Variants in TMEM178B observed in about 807,000 individuals in gnomAD.
TMEM178B encodes the protein transmembrane protein 178B.
A neutral mutation model predicts 31.0 loss-of-function variants in TMEM178B; 5 were observed. The observed-to-expected ratio is 0.16, with a 90% CI of 0.08 to 0.34. TMEM178B has a LOEUF of 0.34. Ranked by LOEUF, TMEM178B falls within the 10% of genes least tolerant of loss-of-function variation. The pLI is 1.00. For missense variants in TMEM178B, 275 were observed against 400.3 expected (o/e 0.69, Z 2.67); for synonymous variants, 164 against 164.0 (o/e 1.00, Z 0.00).
intron 2 of TMEM178B, among the ~76,000 whole-genome samples, chr7:141,330,900 G>C (rs924872872): frequency 6.6e-6 from 1 of 152,216 alleles, no homozygotes; most frequent in African/African-American, 2.4e-5. Flanking sequence ...GAGGTCATGA[G>C]AGGTAGTCAA....
chr7:141,402,964 C>G (rs904437828), intron 2 of TMEM178B, among the ~76,000 whole-genome samples: 1 of 152,236 alleles, frequency 6.6e-6, no homozygotes, highest in Non-Finnish European at 1.5e-5. Context: ...TGCTATTTTC[C>G]GTAATCCTAT....
intron 2 of TMEM178B, among the ~76,000 whole-genome samples, chr7:141,328,741 A>G (rs1799242636): frequency 1.3e-5 from 2 of 152,216 alleles, no homozygotes; most frequent in Admixed American, 1.3e-4. Flanking sequence ...TACCATTCCC[A>G]GGTTAAATGA....
chr7:141,198,266 C>G (rs1001092217), intron 1 of TMEM178B, among the ~76,000 whole-genome samples: 9 of 152,156 alleles, frequency 5.9e-5, no homozygotes, highest in Admixed American at 2.6e-4. Flanking sequence ...CCTTGGCCTT[C>G]TGGAGGTGCA....
intron 2 of TMEM178B, among the ~76,000 whole-genome samples, chr7:141,424,099 T>A (rs1021976774): frequency 2.0e-4 from 30 of 152,088 alleles, no homozygotes; most frequent in African/African-American, 7.0e-4. Flanking sequence ...ATTACAGGTG[T>A]GAGCCACCAC....
intron 2 of TMEM178B, among the ~76,000 whole-genome samples, chr7:141,370,071 A>G (rs1314210433): frequency 1.3e-5 from 2 of 152,160 alleles, no homozygotes; most frequent in African/African-American, 2.4e-5. Flanking sequence ...GGCCTGCCCC[A>G]GGTAGGAGGG....
intron 1 of TMEM178B, among the ~76,000 whole-genome samples, chr7:141,119,437 G>A (rs1293276987): frequency 6.6e-6 from 1 of 152,062 alleles, no homozygotes; most frequent in Non-Finnish European, 1.5e-5. Context: ...ACACTGATGT[G>A]GGCTACTGCC....
intron 2 of TMEM178B, among the ~76,000 whole-genome samples, chr7:141,225,225 G>A (rs1797322179): frequency 2.0e-5 from 3 of 152,064 alleles, no homozygotes; most frequent in Admixed American, 6.5e-5. Context: ...TATCTCGTGC[G>A]GCAGGCCTAC....
chr7:141,157,332 C>T (rs1474317501), intron 1 of TMEM178B, among the ~76,000 whole-genome samples: 1 of 152,098 alleles, frequency 6.6e-6, no homozygotes, highest in Non-Finnish European at 1.5e-5. Flanking sequence ...ATGCTGGAGT[C>T]CTAGGAGAGG....
intron 3 of TMEM178B, among the ~76,000 whole-genome samples, chr7:141,440,409 T>G (rs960823099): frequency 3.9e-5 from 6 of 152,164 alleles, no homozygotes; most frequent in African/African-American, 1.2e-4. Flanking sequence ...ATGATCTTAA[T>G]GTACAGCCAG....
intron 2 of TMEM178B, among the ~76,000 whole-genome samples, chr7:141,306,716 G>C (rs113510042): frequency 0.025 from 3,770 of 148,746 alleles, 178 homozygotes; most frequent in African/African-American, 0.088. Context: ...GCTGTATTCT[G>C]TTCTCTTTGT....
At chr7:141,355,573 C>T (rs1262910554) in intron 2 of TMEM178B, among the ~76,000 whole-genome samples, 1 of 152,208 alleles carries the variant, frequency 6.6e-6, no homozygotes, top group Non-Finnish European at 1.5e-5. Context: ...GATTGGCATT[C>T]AATGCAGATG....
chr7:141,348,202 AT>A (rs1168746833), intron 2 of TMEM178B, among the ~76,000 whole-genome samples: 1 of 152,208 alleles, frequency 6.6e-6, no homozygotes, highest in African/African-American at 2.4e-5. Flanking sequence ...TCATTTCCAA[AT>A]TTCGCAGTTA....
chr7:141,470,407 A>G, intron 3 of TMEM178B, 129 bp from the exon 4 acceptor site: 1 of 952,868 alleles, frequency 1.0e-6, no homozygotes. Context: ...GCTCTTACCT[A>G]GACTTCCCAT....
At chr7:141,261,126 G>C (rs561854757) in intron 2 of TMEM178B, among the ~76,000 whole-genome samples, 1 of 152,114 alleles carries the variant, frequency 6.6e-6, no homozygotes, top group African/African-American at 2.4e-5. Flanking sequence ...TGAATGTATT[G>C]CTTGCAGTCA....
the TMEM178B span, among the ~76,000 whole-genome samples, chr7:141,503,759 T>C: frequency 1.3e-5 from 2 of 152,230 alleles, no homozygotes; most frequent in African/African-American, 2.4e-5. Flanking sequence ...TAGCTATATA[T>C]TGAGGTTTCA....
At chr7:141,140,651 T>C (rs372063896) in intron 1 of TMEM178B, among the ~76,000 whole-genome samples, 3 of 152,362 alleles carry the variant, frequency 2.0e-5, no homozygotes, top group African/African-American at 7.2e-5. Context: ...TTATTTCTCA[T>C]GTATCCTTGG....
intron 3 of TMEM178B, among the ~76,000 whole-genome samples, chr7:141,442,801 G>A (rs978066151): frequency 2.0e-5 from 3 of 152,180 alleles, no homozygotes; most frequent in African/African-American, 7.2e-5. Flanking sequence ...TTTCCAAAAC[G>A]TTTGTGGTGT....
At chr7:141,469,667 A>G (rs111824200) in intron 3 of TMEM178B, among the ~76,000 whole-genome samples, 2,432 of 152,298 alleles carry the variant, frequency 0.016, 72 homozygotes, top group African/African-American at 0.053. Context: ...AAATGCAGAG[A>G]AAAGTTATTG....
At chr7:141,337,026 TCACCACCAC>T (rs1364878528) in intron 2 of TMEM178B, among the ~76,000 whole-genome samples, 18 of 25,418 alleles carry the variant, frequency 7.1e-4, no homozygotes, top group East Asian at 1.2e-3. Flanking sequence ...ATCACCACCA[TCACCACCAC>T]CACCACCACC....
Sources: gnomAD v4.1 joint callset for allele counts (sites outside exome capture counted in the v4.1 genomes callset) on GRCh38, gnomAD v4.1.1 for gene constraint, MANE v1.5 for transcripts, NCBI Gene and HGNC (gene_info 2026-07-23, HGNC 2026-07-21) for gene names.